Variants in PGS1 observed in about 807,000 individuals in gnomAD.
PGS1 encodes the protein CDP-diacylglycerol--glycerol-3-phosphate 3-phosphatidyltransferase, mitochondrial.
Under a neutral mutation model 58.3 loss-of-function variants are expected in PGS1, and 44 were observed. The ratio of observed to expected loss-of-function variants is 0.75; its 90% CI spans 0.59 to 0.97. The LOEUF (loss-of-function observed/expected upper bound fraction) is 0.97, where lower values mean the gene tolerates loss of function less well. Ranked by LOEUF, PGS1 falls within the 50% of genes least tolerant of loss-of-function variation. The probability of loss-of-function intolerance (pLI) is 0.00; values close to 1 mark genes in which losing one functional copy is unlikely to be tolerated. For synonymous variants in PGS1, 330 were observed against 311.0 expected (o/e 1.06, Z -0.64); for missense variants, 684 against 731.1 (o/e 0.94, Z 0.74).
At chr17:78,403,419 C>G in intron 6 of PGS1, 149 bp from the exon 7 acceptor site, 2 of 865,082 alleles carry the variant, frequency 2.3e-6, no homozygotes, top group Non-Finnish European at 3.6e-6. Flanking sequence ...TCGCTCTGGG[C>G]TTGGGGTCCT....
intron 8 of PGS1, 54 bp from the exon 9 acceptor site, chr17:78,419,487 CCATGT>C: frequency 6.8e-7 from 1 of 1,477,440 alleles, no homozygotes; most frequent in Non-Finnish European, 9.4e-7. Flanking sequence ...GGCCAGCCGG[CCATGT>C]GGTGTGGTGC....
chr17:78,419,491 G>C, intron 8 of PGS1, 55 bp from the exon 9 acceptor site: 2 of 1,502,576 alleles, frequency 1.3e-6, no homozygotes, highest in Non-Finnish European at 1.9e-6. Context: ...AGCCGGCCAT[G>C]TGGTGTGGTG....
At chr17:78,384,394 GACTGTTGCTTTTTCTCA>G (rs2082237429) in intron 1 of PGS1, among the ~76,000 whole-genome samples, 1 of 152,180 alleles carries the variant, frequency 6.6e-6, no homozygotes, top group East Asian at 1.9e-4. Flanking sequence ...GAAGTGTTAT[GACTGTTGCTTTTTCTCA>G]TCAGTTCACT....
Position 78,396,311 on chromosome 17 carries a change from C to A in PGS1, c.337C>A (p.Gln113Lys). 1.2e-6 allele frequency: 2 copies of A among 1,611,632 alleles called. No individual in the cohort carries two copies. The highest frequency in any genetic ancestry group is 1.7e-6 in the Non-Finnish European group (2 of 1,177,780). ...TTGAATTTTTCTCCTCTCTCAGGGGCAGATAAGAGTAGCCAAGAGGCGGGT... is the reference window on the plus strand; with the variant it reads ...TTGAATTTTTCTCCTCTCTCAGGGGAAGATAAGAGTAGCCAAGAGGCGGGT... ...PAEFFELMKG[Q>K]IRVAKRRVVM... The change falls in exon 3 of 10, where the codon CAG becomes AAG. Residue 113 changes from glutamine to lysine, a missense_variant. Transcript: ENST00000262764.
Position 78,378,685 on chromosome 17 carries a change from C to T in PGS1, c.20C>T (p.Ala7Val), listed in dbSNP as rs767020264. ...GTCTCCATGGCGGTGGCGGCGGCAG[C>T]TGCGGCGGGACCCGTGTTCTGGAGG... MAVAAA[A>V]AAGPVFWRRL... Residue 7 changes from alanine (A) to valine (V), a missense_variant, in exon 1 of 10, where the codon GCT becomes GTT. Physicochemically the swap from Ala to Val is moderately conservative, Grantham distance 64 (BLOSUM62 0). Transcript: ENST00000262764. 1 of 1,527,290 alleles carries T rather than the reference C, an allele frequency of 6.5e-7. No individual in the cohort carries two copies. Among genetic ancestry groups the T allele is most frequent in the Non-Finnish European group, 8.7e-7 (1 of 1,144,074 alleles). The allele number at this position is 1,527,290 out of a possible 1,614,324, so 94.6% of individuals were successfully genotyped here. A position where few individuals can be genotyped will look rare whatever the true frequency, so the allele number is the denominator to read the frequency against.
rs769637851 is a variant in PGS1 at position 78,399,437 on chromosome 17, C to A, written c.601C>A (p.Arg201Ser). ...RVSLFHTPHL[R>S]GLLRLLIPER... Reference sequence around the variant, plus strand: ...CTCCCTCTTTCACACGCCGCACCTCCGTGGGCTGCTTCGGCTCCTCATCCC... The same window carrying A: ...CTCCCTCTTTCACACGCCGCACCTCAGTGGGCTGCTTCGGCTCCTCATCCC... Residue 201 changes from arginine to serine, a missense_variant, in exon 5 of 10, where the codon CGT becomes AGT. Physicochemically the swap from Arg to Ser is moderately radical, Grantham distance 110. Transcript: ENST00000262764. The A allele has an allele frequency of 6.2e-7, 1 of 1,614,174 alleles. No individual in the cohort carries two copies. Among genetic ancestry groups the A allele is most frequent in the Non-Finnish European group, 8.5e-7 (1 of 1,180,022 alleles).
intron 8 of PGS1, 74 bp from the exon 9 acceptor site, chr17:78,419,472 G>C (rs2085496692): frequency 7.4e-7 from 1 of 1,355,334 alleles, no homozygotes; most frequent in Non-Finnish European, 1.1e-6. Context: ...GAGGGGCTGG[G>C]CTGGGGCCAG....
intron 1 of PGS1, among the ~76,000 whole-genome samples, chr17:78,385,382 G>A (rs72911377): frequency 0.15 from 22,908 of 151,732 alleles, 1,724 homozygotes; most frequent in East Asian, 0.25. Context: ...TCTGCCTGCC[G>A]AGTTCATGCC....
At chr17:78,410,103 AAAAAC>A (rs10522107) in intron 7 of PGS1, among the ~76,000 whole-genome samples, 66,526 of 150,744 alleles carry the variant, frequency 0.44, 15,066 homozygotes, top group Admixed American at 0.51. Flanking sequence ...ACTCCGTCTC[AAAAAC>A]AAAACAAAAC....
At chr17:78,417,783 G>C (rs2085325166) in intron 8 of PGS1, among the ~76,000 whole-genome samples, 1 of 151,768 alleles carries the variant, frequency 6.6e-6, no homozygotes. Context: ...CAGTGGAGGA[G>C]AGAGGGCTAG....
Position 78,400,833 on chromosome 17 carries a change from T to C in PGS1, c.858T>C (p.Asp286=). The change falls in exon 6 of 10, where the codon GAT becomes GAC. Residue 286 remains aspartate, a synonymous_variant. Transcript: ENST00000262764. This position sits in a 1 kb window ranked among gnomAD's most constrained non-coding sequence, Gnocchi z 4.4. ...LQGDDTVQVV[D]GMVHPYKGDR... Reference sequence around the variant, plus strand: ...GGGACGACACGGTGCAGGTGGTGGATGGGATGGTGCATCCTTACAAAGGTA... The same window carrying C: ...GGGACGACACGGTGCAGGTGGTGGACGGGATGGTGCATCCTTACAAAGGTA... 3 of 1,609,020 alleles carry C rather than the reference T, an allele frequency of 1.9e-6. No homozygotes were observed. Among genetic ancestry groups the C allele is most frequent in the South Asian group, 1.1e-5 (1 of 90,472 alleles).
At chr17:78,404,699 C>T (rs960197171) in intron 7 of PGS1, among the ~76,000 whole-genome samples, 2 of 151,962 alleles carry the variant, frequency 1.3e-5, no homozygotes, top group African/African-American at 2.4e-5. Context: ...TCACTCTTGT[C>T]GCTCAGGCTG....
intron 9 of PGS1, chr17:78,422,008 T>C (rs1263572789): frequency 1.3e-5 from 2 of 152,234 alleles, no homozygotes; most frequent in South Asian, 4.1e-4. Flanking sequence ...TAAGTGCGAA[T>C]CATTTCTTGG....
chr17:78,392,115 G>A (rs984700713), intron 1 of PGS1, among the ~76,000 whole-genome samples: 8 of 152,138 alleles, frequency 5.3e-5, no homozygotes, highest in Non-Finnish European at 8.8e-5. Flanking sequence ...TCATTAGAAC[G>A]TTGCCATGTG....
At chr17:78,401,613 G>A (rs918738284) in intron 6 of PGS1, among the ~76,000 whole-genome samples, 6 of 152,174 alleles carry the variant, frequency 3.9e-5, no homozygotes, top group African/African-American at 9.7e-5. Context: ...AGCTCTCTGC[G>A]TCTTGTGGAC....
intron 7 of PGS1, among the ~76,000 whole-genome samples, chr17:78,406,044 C>T (rs758851108): frequency 8.9e-6 from 1 of 112,712 alleles, no homozygotes; most frequent in Non-Finnish European, 2.4e-5. Context: ...CGGCCAGGCG[C>T]GGTGGCTCAC....
In PGS1 at chr17:78,399,362, C is replaced by T. The variant is rs776329786; in HGVS notation, c.526C>T (p.Arg176Cys). 1.2e-5 allele frequency: 20 copies of T among 1,613,840 alleles called. No homozygotes were observed. Among genetic ancestry groups the T allele is most frequent in the South Asian group, 2.2e-5 (2 of 91,080 alleles). ...TCCGTGTTCAGGCCGGAAGAACTCC[C>T]GCACAATGCTGCTCCCACTCCTGCG... ...TRGSRGRKNS[R>C]TMLLPLLRRF... Residue 176 changes from arginine (R) to cysteine (C), a missense_variant, in exon 5 of 10, where the codon CGC becomes TGC. Physicochemically the swap from Arg to Cys is radical, Grantham distance 180 (BLOSUM62 -3). Coordinates refer to ENST00000262764, the MANE Select transcript of PGS1 (RefSeq NM_024419.5).
chr17:78,396,468 G>A (rs2083236070), intron 3 of PGS1, 83 bp downstream of exon 3: 10 of 995,972 alleles, frequency 1.0e-5, no homozygotes, highest in Non-Finnish European at 1.5e-5. Flanking sequence ...TGCAGTTGGT[G>A]TGGAGCTGCC....
intron 7 of PGS1, 46 bp from the exon 8 acceptor site, chr17:78,414,833 A>C: frequency 6.2e-7 from 1 of 1,603,564 alleles, no homozygotes; most frequent in Non-Finnish European, 8.5e-7. Flanking sequence ...GGACTTTGGT[A>C]GATGCTGTGC....
Sources: allele counts gnomAD v4.1 joint callset (sites outside exome capture counted in the v4.1 genomes callset), GRCh38; gene constraint gnomAD v4.1.1; non-coding constraint Gnocchi (gnomAD v3.1); transcripts MANE v1.5; gene names NCBI Gene and HGNC (gene_info 2026-07-23, HGNC 2026-07-21).